The following NEGR1 variants were observed in gnomAD, a reference collection of about 807,000 sequenced individuals.
NEGR1 encodes neuronal growth regulator 1.
A neutral mutation model predicts 40.9 loss-of-function variants in NEGR1; 10 were observed. The ratio of observed to expected loss-of-function variants is 0.24; its 90% CI spans 0.15 to 0.42. The LOEUF (loss-of-function observed/expected upper bound fraction) is 0.42, where lower values mean the gene tolerates loss of function less well. Among genes scored for constraint, NEGR1 ranks in the 10% least tolerant of loss-of-function variants. The pLI, the probability that NEGR1 is intolerant of heterozygous loss-of-function variation, is 1.00. For synonymous variants in NEGR1, 185 were observed against 166.8 expected, an observed-to-expected ratio of 1.11 and a Z score of -0.84; for missense variants, 352 against 438.9, an observed-to-expected ratio of 0.80 and a Z score of 1.77.
At chr1:72,213,967 T>C (rs1464958180) in intron 1 of NEGR1, among the ~76,000 whole-genome samples, 1 of 151,992 alleles carries the variant, frequency 6.6e-6, no homozygotes, top group African/African-American at 2.4e-5. Context: ...AAATCCTCAA[T>C]AAAACACTGG....
intron 6 of NEGR1, among the ~76,000 whole-genome samples, chr1:71,536,140 T>C (rs899187066): frequency 6.6e-5 from 10 of 151,768 alleles, no homozygotes; most frequent in African/African-American, 2.2e-4. Context: ...AAGGAAACTA[T>C]ATAATTAACA....
chr1:72,276,677 T>C (rs1656059065), intron 1 of NEGR1, among the ~76,000 whole-genome samples: 1 of 152,182 alleles, frequency 6.6e-6, no homozygotes, highest in Admixed American at 6.5e-5. Flanking sequence ...GCGTGTTTCC[T>C]TAAAAAACTA....
chr1:71,998,232 T>C (rs1006447199), intron 1 of NEGR1, among the ~76,000 whole-genome samples: 1 of 152,004 alleles, frequency 6.6e-6, no homozygotes, highest in Middle Eastern at 3.4e-3. Context: ...TTTGTGAAGA[T>C]TAAACCAAAT....
chr1:71,825,284 T>C (rs1221351492), intron 2 of NEGR1, among the ~76,000 whole-genome samples: 1 of 151,980 alleles, frequency 6.6e-6, no homozygotes, highest in Non-Finnish European at 1.5e-5. Flanking sequence ...AGAAATTAGA[T>C]GTGGTTTAAA....
intron 4 of NEGR1, among the ~76,000 whole-genome samples, chr1:71,622,658 T>C (rs1650646343): frequency 6.6e-6 from 1 of 151,904 alleles, no homozygotes; most frequent in African/African-American, 2.4e-5. Flanking sequence ...CTCACATTGA[T>C]CTCTCAAAAT....
intron 1 of NEGR1, among the ~76,000 whole-genome samples, chr1:72,110,315 ATGAC>A (rs888795440): frequency 2.0e-5 from 3 of 151,464 alleles, no homozygotes; most frequent in African/African-American, 7.2e-5. Context: ...TTGTAGCTAC[ATGAC>A]TGACTATGAC....
intron 2 of NEGR1, among the ~76,000 whole-genome samples, chr1:71,928,346 A>T (rs1200205794): frequency 3.4e-5 from 2 of 58,278 alleles, no homozygotes; most frequent in Non-Finnish European, 6.5e-5. Context: ...ATATACACAC[A>T]TGTGTATATA....
intron 6 of NEGR1, among the ~76,000 whole-genome samples, chr1:71,474,517 TACACAC>T (rs57225665): frequency 0.016 from 1,807 of 115,414 alleles, 24 homozygotes; most frequent in South Asian, 0.039. Flanking sequence ...CTACTAACAA[TACACAC>T]ACACACACAC....
intron 1 of NEGR1, among the ~76,000 whole-genome samples, chr1:72,039,471 A>G (rs1329841031): frequency 6.6e-6 from 1 of 152,016 alleles, no homozygotes; most frequent in Non-Finnish European, 1.5e-5. Context: ...GTAAAGTAAT[A>G]AAATGAATAA....
At chr1:71,776,093 A>G in intron 3 of NEGR1, 79 bp downstream of exon 3, 1 of 1,023,744 alleles carries the variant, frequency 9.8e-7, no homozygotes, top group Non-Finnish European at 1.3e-6. Flanking sequence ...TTGACTCTTA[A>G]GTTCTGAACA....
intron 2 of NEGR1, among the ~76,000 whole-genome samples, chr1:71,800,820 A>T (rs981880218): frequency 2.0e-5 from 3 of 152,170 alleles, no homozygotes; most frequent in Non-Finnish European, 4.4e-5. Flanking sequence ...TCATTCCCAT[A>T]GCATGTGTTA....
At chr1:72,254,070 C>T (rs1317419538) in intron 1 of NEGR1, among the ~76,000 whole-genome samples, 2 of 152,204 alleles carry the variant, frequency 1.3e-5, no homozygotes, top group African/African-American at 4.8e-5. Context: ...GCCTACATTA[C>T]CTCCTAACCC....
At chr1:71,680,066 G>T (rs1231886371) in intron 4 of NEGR1, among the ~76,000 whole-genome samples, 2 of 151,636 alleles carry the variant, frequency 1.3e-5, no homozygotes, top group Non-Finnish European at 2.9e-5. Flanking sequence ...AATGAATTTG[G>T]TCTATAATAT....
intron 6 of NEGR1, among the ~76,000 whole-genome samples, chr1:71,526,653 C>T (rs1184317709): frequency 1.3e-5 from 2 of 151,464 alleles, no homozygotes; most frequent in Admixed American, 6.6e-5. Context: ...TAGTTCCATT[C>T]TCTCCTTCCT....
At chr1:72,278,145 T>G (rs932281526) in intron 1 of NEGR1, among the ~76,000 whole-genome samples, 2 of 152,126 alleles carry the variant, frequency 1.3e-5, no homozygotes, top group African/African-American at 4.8e-5. Flanking sequence ...TAGAGTATCA[T>G]AGTAGGATAT....
intron 6 of NEGR1, among the ~76,000 whole-genome samples, chr1:71,575,675 C>T (rs1023270663): frequency 3.3e-5 from 5 of 152,094 alleles, no homozygotes; most frequent in African/African-American, 1.2e-4. Flanking sequence ...CTCAGCTACT[C>T]GGGAGGCCGA....
intron 1 of NEGR1, among the ~76,000 whole-genome samples, chr1:72,228,929 A>G (rs968132383): frequency 1.3e-5 from 2 of 152,096 alleles, no homozygotes; most frequent in African/African-American, 4.8e-5. Context: ...TGCTATCACT[A>G]TGTTACTAAT....
chr1:71,580,371 T>A (rs1356153506), intron 6 of NEGR1, among the ~76,000 whole-genome samples: 1 of 151,714 alleles, frequency 6.6e-6, no homozygotes, highest in East Asian at 1.9e-4. Flanking sequence ...GACGAGTTAG[T>A]GGGTGCAGCG....
intron 1 of NEGR1, among the ~76,000 whole-genome samples, chr1:72,057,167 A>G (rs1647118482): frequency 6.6e-6 from 1 of 151,634 alleles, no homozygotes; most frequent in South Asian, 2.1e-4. Flanking sequence ...ATTGAATGGA[A>G]GAATAAATAG....
Sources: allele counts gnomAD v4.1 joint callset (sites outside exome capture counted in the v4.1 genomes callset), GRCh38; gene constraint gnomAD v4.1.1; transcripts MANE v1.5; gene names NCBI Gene and HGNC (gene_info 2026-07-23, HGNC 2026-07-21).